The following GPC6 variants were observed in gnomAD, a reference collection of about 807,000 sequenced individuals.
GPC6 encodes the protein glypican-6.
Under a neutral mutation model 55.2 loss-of-function variants are expected in GPC6, and 14 were observed. That is an observed-to-expected ratio of 0.25 (90% CI 0.17 to 0.40). The LOEUF is 0.40. Ranked by LOEUF, GPC6 falls within the 10% of genes least tolerant of loss-of-function variation. The probability of loss-of-function intolerance (pLI) is 1.00; values close to 1 mark genes in which losing one functional copy is unlikely to be tolerated. For synonymous variants in GPC6, 278 were observed against 259.6 expected (o/e 1.07, Z -0.68); for missense variants, 641 against 708.5 (o/e 0.90, Z 1.08).
chr13:94,139,265 C>A (rs1887288009), intron 4 of GPC6, among the ~76,000 whole-genome samples: 1 of 152,090 alleles, frequency 6.6e-6, no homozygotes, highest in African/African-American at 2.4e-5. Flanking sequence ...AAAGCCCTTA[C>A]ATACACTATG....
At chr13:93,426,350 A>G (rs1877125785) in intron 1 of GPC6, among the ~76,000 whole-genome samples, 1 of 151,586 alleles carries the variant, frequency 6.6e-6, no homozygotes, top group African/African-American at 2.4e-5. Flanking sequence ...CTCGTCATCT[A>G]GCATTAGGTA....
chr13:93,570,785 G>A (rs535276135), intron 2 of GPC6, among the ~76,000 whole-genome samples: 2 of 152,230 alleles, frequency 1.3e-5, no homozygotes, highest in South Asian at 2.1e-4. Context: ...ATGTTTTAAA[G>A]CAGTAGTTTT....
intron 4 of GPC6, among the ~76,000 whole-genome samples, chr13:94,095,227 G>C (rs1255400628): frequency 1.3e-5 from 2 of 152,054 alleles, no homozygotes; most frequent in African/African-American, 2.4e-5. Flanking sequence ...TTAAAATTTT[G>C]CTAACATATG....
At chr13:93,985,525 A>G (rs1880983871) in intron 3 of GPC6, among the ~76,000 whole-genome samples, 1 of 151,614 alleles carries the variant, frequency 6.6e-6, no homozygotes, top group Non-Finnish European at 1.5e-5. Context: ...AAACAAACAA[A>G]AAAACCAAAA....
chr13:93,282,031 T>C (rs561187843), intron 1 of GPC6, among the ~76,000 whole-genome samples: 1 of 152,238 alleles, frequency 6.6e-6, no homozygotes, highest in Non-Finnish European at 1.5e-5. Flanking sequence ...ATATGTGTAC[T>C]GATAAAGCCA....
At chr13:93,268,450 T>G (rs560530615) in intron 1 of GPC6, among the ~76,000 whole-genome samples, 1 of 152,304 alleles carries the variant, frequency 6.6e-6, no homozygotes, top group African/African-American at 2.4e-5. Flanking sequence ...AGCTACAGAA[T>G]GTGAGCTATG....
intron 2 of GPC6, among the ~76,000 whole-genome samples, chr13:93,784,257 A>G (rs1885752436): frequency 6.6e-6 from 1 of 152,214 alleles, no homozygotes; most frequent in Non-Finnish European, 1.5e-5. Context: ...TATTAGAAAT[A>G]GTATCTTCCT....
intron 2 of GPC6, among the ~76,000 whole-genome samples, chr13:93,690,303 G>A (rs1240342758): frequency 6.6e-6 from 1 of 151,968 alleles, no homozygotes; most frequent in Non-Finnish European, 1.5e-5. Flanking sequence ...GGGTGGTAGT[G>A]CAAGTCAGGA....
intron 2 of GPC6, among the ~76,000 whole-genome samples, chr13:93,804,762 A>G (rs966590799): frequency 3.7e-4 from 56 of 152,258 alleles, no homozygotes; most frequent in African/African-American, 1.3e-3. Context: ...CAACTATCCT[A>G]GTTTCCTACT....
chr13:94,305,016 CATG>C (rs1463826022), intron 5 of GPC6, among the ~76,000 whole-genome samples: 2 of 152,130 alleles, frequency 1.3e-5, no homozygotes, highest in Non-Finnish European at 2.9e-5. Flanking sequence ...AATAATTTGT[CATG>C]ATAACAGGAA....
intron 1 of GPC6, among the ~76,000 whole-genome samples, chr13:93,429,572 G>A (rs1461059893): frequency 1.3e-5 from 2 of 152,100 alleles, no homozygotes; most frequent in African/African-American, 2.4e-5. Context: ...AAGTAAACTA[G>A]GCAGCAGATT....
intron 2 of GPC6, among the ~76,000 whole-genome samples, chr13:93,674,872 T>C (rs1881522679): frequency 1.3e-5 from 2 of 152,170 alleles, no homozygotes; most frequent in South Asian, 2.1e-4. Flanking sequence ...TCAGATGTTC[T>C]CTCCAAAGAA....
At chr13:93,784,699 G>A (rs956166121) in intron 2 of GPC6, among the ~76,000 whole-genome samples, 4 of 152,216 alleles carry the variant, frequency 2.6e-5, no homozygotes, top group Non-Finnish European at 5.9e-5. Flanking sequence ...TGCTTGAAGA[G>A]AAATTCTCAA....
chr13:94,193,826 T>A (rs183188028), intron 4 of GPC6, among the ~76,000 whole-genome samples: 1 of 152,354 alleles, frequency 6.6e-6, no homozygotes, highest in Admixed American at 6.5e-5. Flanking sequence ...TGTCCACAGT[T>A]GAACAGGTCC....
chr13:93,917,805 A>G (rs904713579), intron 3 of GPC6, among the ~76,000 whole-genome samples: 11 of 152,206 alleles, frequency 7.2e-5, no homozygotes, highest in African/African-American at 1.9e-4. Context: ...CAGTTAAAAA[A>G]CAAAAATATT....
intron 4 of GPC6, among the ~76,000 whole-genome samples, chr13:94,032,032 G>A (rs1883160241): frequency 6.6e-6 from 1 of 152,118 alleles, no homozygotes. Flanking sequence ...GAGAGGCAAA[G>A]GTTGATGAGA....
chr13:93,335,835 A>G (rs941412209), intron 1 of GPC6, among the ~76,000 whole-genome samples: 3 of 152,140 alleles, frequency 2.0e-5, no homozygotes, highest in Non-Finnish European at 4.4e-5. Flanking sequence ...GGAACTTTCT[A>G]CTACTTTATA....
At chr13:94,233,628 C>T (rs1271394995) in intron 4 of GPC6, among the ~76,000 whole-genome samples, 4 of 152,162 alleles carry the variant, frequency 2.6e-5, no homozygotes, top group African/African-American at 9.7e-5. Context: ...TGTCTTCCCT[C>T]CCCTGGTGTG....
At chr13:94,247,590 G>C (rs139267238) in intron 4 of GPC6, among the ~76,000 whole-genome samples, 2,756 of 152,194 alleles carry the variant, frequency 0.018, 47 homozygotes, top group Non-Finnish European at 0.029. Flanking sequence ...TATTTTTTCT[G>C]TGTCCATTGA....
Sources: gnomAD v4.1 joint callset for allele counts (sites outside exome capture counted in the v4.1 genomes callset) on GRCh38, gnomAD v4.1.1 for gene constraint, MANE v1.5 for transcripts, NCBI Gene and HGNC (gene_info 2026-07-23, HGNC 2026-07-21) for gene names.